KLK15: variants seen among roughly 807,000 people sequenced by gnomAD.
The protein encoded by KLK15 is kallikrein-15.
In KLK15, 19 loss-of-function variants were observed where a neutral mutation model predicts 21.1. The ratio of observed to expected loss-of-function variants is 0.90; its 90% CI spans 0.63 to 1.32. The LOEUF (loss-of-function observed/expected upper bound fraction) is 1.32, where lower values mean the gene tolerates loss of function less well. Ranked by LOEUF, KLK15 falls within the 40% of genes most tolerant of loss-of-function variation. The pLI is 0.00. For missense variants in KLK15, 345 were observed against 348.6 expected, an observed-to-expected ratio of 0.99 and a Z score of 0.08; for synonymous variants, 141 against 141.5, an observed-to-expected ratio of 1.00 and a Z score of 0.03.
At chr19:50,826,228 C>T (rs1458635099) in intron 4 of KLK15, 2 of 478,116 alleles carry the variant, frequency 4.2e-6, no homozygotes, top group East Asian at 6.7e-5. Context: ...CAACTCAGCC[C>T]ACATCCTCAC....
chr19:50,833,483 A>C (rs551289198), upstream of KLK15, among the ~76,000 whole-genome samples: 2 of 152,208 alleles, frequency 1.3e-5, no homozygotes, highest in South Asian at 4.1e-4. Context: ...GGCACAGTGA[A>C]TCTCCCCTTT....
At chr19:50,827,925 C>T in intron 1 of KLK15, 110 bp from the exon 3 acceptor site, 1 of 988,916 alleles carries the variant, frequency 1.0e-6, no homozygotes, top group Admixed American at 2.5e-5. Flanking sequence ...CCCCTAACTT[C>T]TCAAGACACC....
rs1185703331 is a variant in KLK15, at chr19:50,831,509, G to A, written c.-17C>T. 2.7e-6 allele frequency: 4 copies of A among 1,458,754 alleles called. No homozygotes were observed. In the East Asian group the frequency reaches 8.9e-5, roughly 32 times the overall value. 90.4% of individuals were successfully genotyped at this position (1,458,754 alleles called of 1,614,324 possible). On this transcript the variant is annotated 5_prime_UTR_variant, in exon 1 of 5. Coordinates refer to ENST00000598239, the Ensembl canonical transcript of KLK15. ...AAGCCACATTGTGGAGGAGGGACCAGGGTTCGGCTGCAGTCTGGGGAGGGA... is the reference window on the plus strand; with the variant it reads ...AAGCCACATTGTGGAGGAGGGACCAAGGTTCGGCTGCAGTCTGGGGAGGGA...
At chr19:50,832,387 A>G (rs1200980852), upstream of KLK15, among the ~76,000 whole-genome samples, 1 of 131,386 alleles carries the variant, frequency 7.6e-6, no homozygotes, top group African/African-American at 3.0e-5. Flanking sequence ...GAGTGGCGTG[A>G]TCTCCGCTCA....
chr19:50,831,539 G>A (rs892312067), upstream of KLK15: 16 of 1,426,108 alleles, frequency 1.1e-5, no homozygotes, highest in Non-Finnish European at 1.5e-5. Context: ...GAGGGAGTGA[G>A]AGAATCCAGG....
intron 1 of KLK15, among the ~76,000 whole-genome samples, chr19:50,829,479 C>T (rs2089944325): frequency 6.6e-6 from 1 of 151,700 alleles, no homozygotes; most frequent in Non-Finnish European, 1.5e-5. Context: ...GACATCTGCA[C>T]AGAATTACCT....
chr19:50,831,752 C>T (rs575751085), upstream of KLK15, among the ~76,000 whole-genome samples: 336 of 152,216 alleles, frequency 2.2e-3, 1 homozygote, highest in African/African-American at 7.7e-3. Context: ...ACCTGTCAGC[C>T]TCCAGCACCA....
chr19:50,826,635 C>T (rs375568943), exon 4 of KLK15: 6 of 1,601,588 alleles, frequency 3.7e-6, no homozygotes, highest in East Asian at 2.2e-5. Context: ...CAGGATTCTG[C>T]GCCTCTGCCC....
intron 1 of KLK15, among the ~76,000 whole-genome samples, chr19:50,829,635 A>G (rs1568485696): frequency 6.6e-6 from 1 of 151,360 alleles, no homozygotes; most frequent in South Asian, 2.1e-4. Context: ...CGTCTCTACT[A>G]AAAAATAAAT....
chr19:50,831,496 G>A, exon 1 of KLK15: 3 of 1,459,952 alleles, frequency 2.1e-6, no homozygotes, highest in Non-Finnish European at 2.7e-6. Flanking sequence ...GCCACATTGT[G>A]GAGGAGGGAC....
intron 4 of KLK15, 122 bp from the exon 6 acceptor site, chr19:50,826,070 A>C: frequency 5.2e-6 from 5 of 965,026 alleles, no homozygotes; most frequent in Non-Finnish European, 7.5e-6. Flanking sequence ...CCCCAACCCA[A>C]CTCAACTCAA....
chr19:50,827,629 C>A (rs769932616), intron 2 of KLK15, 33 bp downstream of exon 3: 2 of 1,594,910 alleles, frequency 1.3e-6, no homozygotes, highest in East Asian at 4.5e-5. Context: ...CCGAACCAGG[C>A]TCCCTCAGGA....
intron 4 of KLK15, 109 bp from the exon 6 acceptor site, chr19:50,826,057 G>A (rs1340688706): frequency 8.6e-7 from 1 of 1,159,344 alleles, no homozygotes; most frequent in East Asian, 2.6e-5. Context: ...CCATCCCAGG[G>A]AACCCCAACC....
exon 3 of KLK15, chr19:50,827,013 C>T (rs779770078): frequency 2.1e-5 from 34 of 1,605,734 alleles, no homozygotes; most frequent in Non-Finnish European, 2.5e-5. Context: ...TTCAGGCGTG[C>T]GGGCTGGACT....
At chr19:50,832,954 C>T (rs1599963888), upstream of KLK15, 1 of 152,260 alleles carries the variant, frequency 6.6e-6, no homozygotes, top group Non-Finnish European at 1.5e-5. Context: ...GAATTGAAAT[C>T]CTTCTTCCCC....
chr19:50,825,732 G>A (rs113257666), downstream of KLK15: 27 of 1,526,126 alleles, frequency 1.8e-5, no homozygotes, highest in African/African-American at 2.3e-4. Context: ...CATGTCAGGC[G>A]GGGCTGCTGG....
chr19:50,825,682 G>T, downstream of KLK15: 1 of 1,058,146 alleles, frequency 9.5e-7, no homozygotes, highest in Non-Finnish European at 1.3e-6. Context: ...CTAACATCTG[G>T]GCCTTGGACA....
chr19:50,829,103 G>C (rs1248071656), intron 1 of KLK15, among the ~76,000 whole-genome samples: 2 of 150,210 alleles, frequency 1.3e-5, no homozygotes, highest in East Asian at 3.9e-4. Context: ...ATTGGATATT[G>C]TTCAGACCTA....
chr19:50,825,721 C>A (rs1000854107), downstream of KLK15: 1 of 1,486,106 alleles, frequency 6.7e-7, no homozygotes, highest in Non-Finnish European at 9.2e-7. Context: ...CCGTTCTGTT[C>A]CATGTCAGGC....
Sources: gnomAD v4.1 joint callset for allele counts (sites outside exome capture counted in the v4.1 genomes callset) on GRCh38, gnomAD v4.1.1 for gene constraint, MANE v1.5 for transcripts, NCBI Gene and HGNC (gene_info 2026-07-23, HGNC 2026-07-21) for gene names.